The following RBM45 variants were observed in gnomAD, a reference collection of about 807,000 sequenced individuals.
RBM45 encodes RNA binding motif protein 45.
In RBM45, 39 loss-of-function variants were observed where a neutral mutation model predicts 58.5. The observed-to-expected ratio is 0.67, with a 90% CI of 0.52 to 0.87. RBM45 has a LOEUF of 0.87. Among genes scored for constraint, RBM45 ranks in the 40% least tolerant of loss-of-function variants. The pLI is 0.00. For synonymous variants in RBM45, 193 were observed against 203.0 expected (o/e 0.95, Z 0.42); for missense variants, 481 against 581.6 (o/e 0.83, Z 1.78).
rs146621378 is a variant in RBM45 at position 178,123,613 on chromosome 2, A to G, written c.945A>G (p.Ile315Met). 5 of 1,608,914 alleles carry G rather than the reference A, an allele frequency of 3.1e-6. No individual in the cohort carries two copies. The African/African-American group carries it at 4.0e-5, about 13-fold the overall frequency. The change falls in exon 6 of 10, where the codon ATA becomes ATG. Residue 315 changes from isoleucine to methionine, a missense_variant. By Grantham distance (10) the Ile-to-Met change is conservative (BLOSUM62 1). Coordinates refer to ENST00000286070, the MANE Select transcript of RBM45 (RefSeq NM_152945.4). ...TTCAGTACCCTCCTGGGAACCGAAT[A>G]GGTGTTTCCTTCATTGATGATGGAA... ...HGFQYPPGNR[I>M]GVSFIDDGSN... is the part of the protein sequence containing the mutation.
At chr2:178,130,111 T>TG (rs1407119822), downstream of RBM45, among the ~76,000 whole-genome samples, 1 of 152,196 alleles carries the variant, frequency 6.6e-6, no homozygotes, top group Non-Finnish European at 1.5e-5. Flanking sequence ...TCAGTGGCTT[T>TG]GGGGGGATGG....
Position 178,112,508 on chromosome 2 carries a change from G to T in RBM45, c.-39G>T. On this transcript the variant is annotated 5_prime_UTR_variant, in exon 1 of 10. Transcript: ENST00000286070. ...AGCAGCGGTGGCAGACACCGCAGAA[G>T]CAAAGAGCAGTGAGGCTCCTGCATT... is the stretch of plus-strand genomic sequence containing the variant. The T allele has an allele frequency of 6.3e-7, 1 of 1,576,414 alleles. No homozygotes were observed.
rs1233969162 is a variant in RBM45 at position 178,129,582 on chromosome 2, C to T, written c.*194C>T. ...TTGAATCCATACATTAATGCTAAAACGAATATAGTAGTTGTTCCTTAGAGC... is the reference window on the plus strand; with the variant it reads ...TTGAATCCATACATTAATGCTAAAATGAATATAGTAGTTGTTCCTTAGAGC... On this transcript the variant is annotated 3_prime_UTR_variant, in exon 10 of 10. Coordinates refer to ENST00000286070, the MANE Select transcript of RBM45 (RefSeq NM_152945.4). 6 of 152,344 alleles carry T rather than the reference C, an allele frequency of 3.9e-5. No homozygotes were observed. Among genetic ancestry groups the T allele is most frequent in the African/African-American group, 1.5e-4 (6 of 41,326 alleles). The allele number at this position is 152,344 out of a possible 1,614,324, so 9.4% of individuals were successfully genotyped here.
downstream of RBM45, among the ~76,000 whole-genome samples, chr2:178,134,083 T>C (rs1462309344): frequency 6.6e-6 from 1 of 152,128 alleles, no homozygotes; most frequent in Non-Finnish European, 1.5e-5. Flanking sequence ...ATCTGAGTAA[T>C]TATCAGAGAA....
chr2:178,134,075 C>T (rs1326088326), downstream of RBM45, among the ~76,000 whole-genome samples: 2 of 152,122 alleles, frequency 1.3e-5, no homozygotes, highest in African/African-American at 4.8e-5. Flanking sequence ...GAAAATTTAT[C>T]TGAGTAATTA....
chr2:178,116,594 T>C (rs1391629618), intron 2 of RBM45, among the ~76,000 whole-genome samples: 1 of 152,068 alleles, frequency 6.6e-6, no homozygotes, highest in Non-Finnish European at 1.5e-5. Flanking sequence ...AGCTGGAAAA[T>C]AGTAATGGTA....
chr2:178,118,769 T>C (rs1396275983), intron 3 of RBM45, among the ~76,000 whole-genome samples: 3 of 152,172 alleles, frequency 2.0e-5, no homozygotes, highest in South Asian at 4.1e-4. Flanking sequence ...TATTGACCTT[T>C]AGAAATGATA....
chr2:178,120,344 A>G lies in RBM45; in HGVS notation c.608A>G (p.Asp203Gly). The change falls in exon 4 of 10, where the codon GAT (aspartate) becomes GGT (glycine). Residue 203 changes from aspartate (D) to glycine (G), a missense_variant. Transcript: ENST00000286070. ...AAAGCATCTGAATCCTCTGAACAAGATTATTATAGTAATATGAGGCAAGAA... is the reference window on the plus strand; with the variant it reads ...AAAGCATCTGAATCCTCTGAACAAGGTTATTATAGTAATATGAGGCAAGAA... ...KNKASESSEQ[D>G]YYSNMRQEAL... 3.7e-6 allele frequency: 6 copies of G among 1,613,398 alleles called. No individual in the cohort carries two copies. Among genetic ancestry groups the G allele is most frequent in the Non-Finnish European group, 4.2e-6 (5 of 1,179,594 alleles).
At chr2:178,115,752 A>G (rs1216421423) in intron 1 of RBM45, among the ~76,000 whole-genome samples, 1 of 152,228 alleles carries the variant, frequency 6.6e-6, no homozygotes, top group Non-Finnish European at 1.5e-5. Context: ...TGGTGTTTTA[A>G]TTAATTGTAT....
Position 178,124,227 on chromosome 2 carries a change from A to G in RBM45, c.1169A>G (p.Glu390Gly). Residue 390 changes from glutamate to glycine, a missense_variant, in exon 8 of 10, where the codon GAA becomes GGA. Physicochemically the swap from Glu to Gly is moderately conservative, Grantham distance 98. Coordinates refer to ENST00000286070, the MANE Select transcript of RBM45 (RefSeq NM_152945.4). Reference sequence around the variant, plus strand: ...GCTCCTGCTGAAACTCCTGTGAAAGAAAGACTTTTTATTGTGTTTAATCCT... The same window carrying G: ...GCTCCTGCTGAAACTCCTGTGAAAGGAAGACTTTTTATTGTGTTTAATCCT... Reference protein sequence around the residue: ...KKAPAETPVKERLFIVFNPHP... With the variant: ...KKAPAETPVKGRLFIVFNPHP... The G allele has an allele frequency of 6.2e-7, 1 of 1,608,154 alleles. No individual in the cohort carries two copies. The highest frequency in any genetic ancestry group is 1.1e-5 in the South Asian group (1 of 89,396).
At chr2:178,125,751 G>C in intron 8 of RBM45, 1 of 662,420 alleles carries the variant, frequency 1.5e-6, no homozygotes, top group Non-Finnish European at 2.9e-6. Context: ...CAAGCTCAGG[G>C]GTAAGGAAAC....
chr2:178,112,907 C>T lies in RBM45; in HGVS notation c.300+61C>T, dbSNP rs550902750. ...GGAGTGGGCCTCTTGGACCTCCCTT[C>T]ACCTGCTGCTCTGCCGGGGTGAGGG... is the stretch of plus-strand genomic sequence containing the variant. On this transcript the variant is annotated intron_variant, in intron 1 of 9. Transcript: ENST00000286070. The T allele has an allele frequency of 1.4e-4, 220 of 1,522,216 alleles. No homozygotes were observed. The Middle Eastern group carries it at 2.6e-3, about 18-fold the overall frequency. The allele number at this position is 1,522,216 out of a possible 1,614,324, so 94.3% of individuals were successfully genotyped here. A position where few individuals can be genotyped will look rare whatever the true frequency, so the allele number is the denominator to read the frequency against.
chr2:178,126,292 G>C (rs1465160841), intron 9 of RBM45, 108 bp downstream of exon 9: 2 of 587,786 alleles, frequency 3.4e-6, no homozygotes, highest in Admixed American at 3.8e-5. Context: ...GAAGTTGTCA[G>C]TTAAAAGAGC....
intron 2 of RBM45, among the ~76,000 whole-genome samples, chr2:178,117,568 T>TA (rs1041795528): frequency 7.2e-5 from 11 of 152,196 alleles, no homozygotes; most frequent in African/African-American, 2.7e-4. Context: ...AGACAAGTAA[T>TA]AATAGCTAAT....
chr2:178,112,470 T>C lies in RBM45; in HGVS notation c.-77T>C. The C allele has an allele frequency of 2.2e-6, 3 of 1,381,046 alleles. No individual in the cohort carries two copies. In the South Asian group the frequency reaches 4.0e-5, roughly 18 times the overall value. 85.5% of individuals were successfully genotyped at this position (1,381,046 alleles called of 1,614,324 possible). A position where few individuals can be genotyped will look rare whatever the true frequency, so the allele number is the denominator to read the frequency against. On this transcript the variant is annotated 5_prime_UTR_variant, in exon 1 of 10. Coordinates refer to ENST00000286070, the MANE Select transcript of RBM45 (RefSeq NM_152945.4). Reference sequence around the variant, plus strand: ...AGCGGAGCACCGAGCCGGCAAAGGCTTGGGTGTGAGACAGCAGCGGTGGCA... The same window carrying C: ...AGCGGAGCACCGAGCCGGCAAAGGCCTGGGTGTGAGACAGCAGCGGTGGCA...
At chr2:178,132,222 G>A (rs2088011424), downstream of RBM45, among the ~76,000 whole-genome samples, 1 of 152,148 alleles carries the variant, frequency 6.6e-6, no homozygotes, top group Non-Finnish European at 1.5e-5. Context: ...CAAATTTGCT[G>A]CTTCTAAAGC....
intron 4 of RBM45, 73 bp downstream of exon 4, chr2:178,120,482 CTG>C (rs1574410635): frequency 7.5e-7 from 1 of 1,337,840 alleles, no homozygotes; most frequent in Non-Finnish European, 1.0e-6. Context: ...AAAGAATACT[CTG>C]TTATTGGGCA....
chr2:178,126,068 T>C lies in RBM45; in HGVS notation c.1317T>C (p.Asn439=), dbSNP rs2087925450. The change falls in exon 9 of 10, where the codon AAT becomes AAC. Residue 439 remains asparagine (N), a synonymous_variant. Coordinates refer to ENST00000286070, the MANE Select transcript of RBM45 (RefSeq NM_152945.4). ...YAKYADRISA[N]DAIATLHGKI... Reference sequence around the variant, plus strand: ...AGTATGCCGATAGAATAAGTGCTAATGATGCCATTGCCACTCTACATGGAA... The same window carrying C: ...AGTATGCCGATAGAATAAGTGCTAACGATGCCATTGCCACTCTACATGGAA... The C allele has an allele frequency of 1.2e-6, 2 of 1,613,766 alleles. No individual in the cohort carries two copies. Among genetic ancestry groups the C allele is most frequent in the Non-Finnish European group, 8.5e-7 (1 of 1,179,646 alleles).
chr2:178,129,763 A>T (rs569529165), downstream of RBM45: 1 of 152,756 alleles, frequency 6.5e-6, no homozygotes, highest in African/African-American at 2.4e-5. Context: ...CATCTTTCAC[A>T]TTTTAACACC....
Sources: allele counts gnomAD v4.1 joint callset (sites outside exome capture counted in the v4.1 genomes callset), GRCh38; gene constraint gnomAD v4.1.1; transcripts MANE v1.5; gene names NCBI Gene and HGNC (gene_info 2026-07-23, HGNC 2026-07-21).